The following UBAP1L variants were observed in gnomAD, a reference collection of about 807,000 sequenced individuals.
UBAP1L encodes the protein ubiquitin-associated protein 1-like.
A neutral mutation model predicts 32.1 loss-of-function variants in UBAP1L; 32 were observed. That is an observed-to-expected ratio of 1.00 (90% CI 0.75 to 1.34). The LOEUF (loss-of-function observed/expected upper bound fraction) is 1.34, where lower values mean the gene tolerates loss of function less well. Among genes scored for constraint, UBAP1L ranks in the 40% most tolerant of loss-of-function variants. The pLI, the probability that UBAP1L is intolerant of heterozygous loss-of-function variation, is 0.00. For missense variants in UBAP1L, 516 were observed against 540.5 expected (o/e 0.95, Z 0.45); for synonymous variants, 243 against 250.2 (o/e 0.97, Z 0.27).
intron 2 of UBAP1L, 144 bp downstream of exon 2, chr15:65,105,952 A>G (rs539867308): frequency 8.4e-7 from 1 of 1,188,868 alleles, no homozygotes; most frequent in African/African-American, 1.5e-5. Flanking sequence ...CACCACACCC[A>G]GCTAATTTTT....
At position 65,099,496 on chromosome 15, in the gene UBAP1L, C is replaced by T. The variant is rs772316290; in HGVS notation, c.909+9G>A. ...TCACAGCTCATCAGCTCTGGGTCCC[C>T]CAACTCACCTGGCTCAGGCTCTGCC... is the stretch of plus-strand genomic sequence containing the variant. On this transcript the variant is annotated intron_variant, in intron 4 of 5. Coordinates refer to ENST00000559089, the MANE Select transcript of UBAP1L (RefSeq NM_001163692.2). The T allele has an allele frequency of 2.2e-5, 34 of 1,549,226 alleles. No individual in the cohort carries two copies. The highest frequency in any genetic ancestry group is 5.9e-5 in the Admixed American group (3 of 50,974).
chr15:65,103,444 C>CAT (rs2087266879), intron 2 of UBAP1L, among the ~76,000 whole-genome samples: 1 of 152,164 alleles, frequency 6.6e-6, no homozygotes, highest in Non-Finnish European at 1.5e-5. Flanking sequence ...TTCCTGTTCC[C>CAT]TACCTTTAAA....
At chr15:65,106,030 C>T in intron 2 of UBAP1L, 66 bp downstream of exon 2, 1 of 1,535,626 alleles carries the variant, frequency 6.5e-7, no homozygotes, top group Non-Finnish European at 8.8e-7. Flanking sequence ...ATTCAAGGAA[C>T]AAGGCCCCAT....
Position 65,094,388 on chromosome 15 carries a change from A to T in UBAP1L, c.1011+87T>A. 4.5e-6 allele frequency: 4 copies of T among 894,486 alleles called. No homozygotes were observed. Among genetic ancestry groups the T allele is most frequent in the Non-Finnish European group, 6.8e-6 (4 of 590,974 alleles). The allele number at this position is 894,486 out of a possible 1,614,324, so 55.4% of individuals were successfully genotyped here. On this transcript the variant is annotated intron_variant, in intron 5 of 5. Transcript: ENST00000559089. The surrounding 1 kb of genome is among the most constrained non-coding windows in gnomAD (Gnocchi z 4.2). ...AGGCTGGACCCACAGACTGGCTCTG[A>T]GGACTGGTGTGGCCCTGCACACCGG...
intron 2 of UBAP1L, chr15:65,105,421 A>G (rs2087297766): frequency 3.2e-6 from 1 of 312,994 alleles, no homozygotes; most frequent in Non-Finnish European, 6.1e-6. Context: ...GGAGGTTGCA[A>G]TGAGCTGACA....
chr15:65,099,598 C>A lies in UBAP1L; in HGVS notation c.816G>T (p.Glu272Asp), dbSNP rs2087216508. The change falls in exon 4 of 6, where the codon GAG (glutamate) becomes GAT (aspartate). Residue 272 changes from glutamate (E) to aspartate (D), a missense_variant. Physicochemically the swap from Glu to Asp is conservative, Grantham distance 45. Coordinates refer to ENST00000559089, the MANE Select transcript of UBAP1L (RefSeq NM_001163692.2). The stretch of plus-strand genomic sequence containing the variant: ...CGACCACTGGCCCAATGAGGTCTTG[C>A]TCCTCCTGGCTCAGGGCGGACAGCA... ...ADLLSALSQE[E>D]QDLIGPVVAL... 6.4e-7 allele frequency: 1 copy of A among 1,551,638 alleles called. No homozygotes were observed. The highest frequency in any genetic ancestry group is 8.7e-7 in the Non-Finnish European group (1 of 1,146,992).
chr15:65,105,010 GAAAAA>G (rs1215816581), intron 2 of UBAP1L: 8 of 173,288 alleles, frequency 4.6e-5, no homozygotes, highest in South Asian at 1.5e-4. Flanking sequence ...TGTCTCAAAT[GAAAAA>G]AAAAAAAAAA....
intron 1 of UBAP1L, among the ~76,000 whole-genome samples, chr15:65,112,667 A>T (rs1232226130): frequency 1.3e-5 from 2 of 152,112 alleles, no homozygotes; most frequent in Admixed American, 6.5e-5. Flanking sequence ...TCACAAATTA[A>T]ATTCTCCAGT....
At chr15:65,114,518 A>G (rs937247762) in intron 1 of UBAP1L, among the ~76,000 whole-genome samples, 1 of 152,180 alleles carries the variant, frequency 6.6e-6, no homozygotes, top group African/African-American at 2.4e-5. Context: ...AAATTGGCTG[A>G]TAAGTACTTT....
At position 65,094,656 on chromosome 15, in the gene UBAP1L, G is replaced by A. The variant is rs1042603878; in HGVS notation, c.910-80C>T. ...CAGACAGGGCAGAGAGGCACTCCAA[G>A]GGCCTGAGCTGAGGGCCAGGCAACA... On this transcript the variant is annotated intron_variant, in intron 4 of 5. Coordinates refer to ENST00000559089, the MANE Select transcript of UBAP1L (RefSeq NM_001163692.2). The surrounding 1 kb of genome is among the most constrained non-coding windows in gnomAD (Gnocchi z 4.2). The A allele has an allele frequency of 9.2e-7, 1 of 1,084,680 alleles. No individual in the cohort carries two copies. The highest frequency in any genetic ancestry group is 1.4e-6 in the Non-Finnish European group (1 of 728,596). 67.2% of individuals were successfully genotyped at this position (1,084,680 alleles called of 1,614,324 possible).
chr15:65,101,415 T>C (rs758592631), intron 3 of UBAP1L: 11 of 152,244 alleles, frequency 7.2e-5, no homozygotes, highest in Non-Finnish European at 1.6e-4. Context: ...GGTTTCACTG[T>C]AGGGTCACTT....
At chr15:65,114,466 C>G (rs913102752) in intron 1 of UBAP1L, among the ~76,000 whole-genome samples, 2 of 152,068 alleles carry the variant, frequency 1.3e-5, no homozygotes, top group African/African-American at 4.8e-5. Context: ...TGGCATTTTG[C>G]TTAGCTTTAA....
intron 2 of UBAP1L, chr15:65,105,625 A>G: frequency 1.5e-6 from 1 of 660,332 alleles, no homozygotes; most frequent in Non-Finnish European, 2.8e-6. Context: ...AACACTCGTG[A>G]AACTGTCCAG....
chr15:65,094,723 A>G lies in UBAP1L; in HGVS notation c.910-147T>C. On this transcript the variant is annotated intron_variant, in intron 4 of 5. Transcript: ENST00000559089. The surrounding 1 kb of genome is among the most constrained non-coding windows in gnomAD (Gnocchi z 4.2). Reference sequence around the variant, plus strand: ...GCAGCGTGGCCCCAGAGAGCCCGTGAACCCACAGAAGGGGGATAGAGGCTT... The same window carrying G: ...GCAGCGTGGCCCCAGAGAGCCCGTGGACCCACAGAAGGGGGATAGAGGCTT... 1.5e-6 allele frequency: 1 copy of G among 673,552 alleles called. No homozygotes were observed. Among genetic ancestry groups the G allele is most frequent in the Non-Finnish European group, 2.7e-6 (1 of 374,666 alleles). The allele number at this position is 673,552 out of a possible 1,614,324, so 41.7% of individuals were successfully genotyped here.
chr15:65,111,560 C>A (rs892025254), intron 1 of UBAP1L, among the ~76,000 whole-genome samples: 1 of 152,190 alleles, frequency 6.6e-6, no homozygotes, highest in Non-Finnish European at 1.5e-5. Context: ...TCTAGGCTCA[C>A]GGCAACGTCT....
Position 65,105,025 on chromosome 15 carries a change from A to G in UBAP1L, c.120+1071T>C, listed in dbSNP as rs554995429. ...TGTCTCAAATGAAAAAAAAAAAAAA[A>G]AAAGAAAATTAGTCATGGTGGCACT... is the stretch of plus-strand genomic sequence containing the variant. On this transcript the variant is annotated intron_variant, in intron 2 of 5. Coordinates refer to ENST00000559089, the MANE Select transcript of UBAP1L (RefSeq NM_001163692.2). 2.2e-3 allele frequency: 515 copies of G among 239,008 alleles called. 3 individuals carry two copies. Among genetic ancestry groups the G allele is most frequent in the Admixed American group, 4.3e-3 (81 of 18,642 alleles). The allele number at this position is 239,008 out of a possible 1,614,324, so 14.8% of individuals were successfully genotyped here. A position where few individuals can be genotyped will look rare whatever the true frequency, so the allele number is the denominator to read the frequency against.
chr15:65,094,641 A>G lies in UBAP1L; in HGVS notation c.910-65T>C. 1 of 1,230,272 alleles carries G rather than the reference A, an allele frequency of 8.1e-7. No homozygotes were observed. The highest frequency in any genetic ancestry group is 1.5e-5 in the African/African-American group (1 of 66,854). 76.2% of individuals were successfully genotyped at this position (1,230,272 alleles called of 1,614,324 possible). On this transcript the variant is annotated intron_variant, in intron 4 of 5. Transcript: ENST00000559089. This position sits in a 1 kb window ranked among gnomAD's most constrained non-coding sequence, Gnocchi z 4.2. Reference sequence around the variant, plus strand: ...GAGCAGCCGGGGCAGCAGACAGGGCAGAGAGGCACTCCAAGGGCCTGAGCT... The same window carrying G: ...GAGCAGCCGGGGCAGCAGACAGGGCGGAGAGGCACTCCAAGGGCCTGAGCT...
At chr15:65,107,097 A>G (rs2087321658) in intron 1 of UBAP1L, among the ~76,000 whole-genome samples, 1 of 152,202 alleles carries the variant, frequency 6.6e-6, no homozygotes, top group Non-Finnish European at 1.5e-5. Flanking sequence ...TTGACTTAAC[A>G]TCCCCAAATC....
Position 65,106,215 on chromosome 15 carries a change from TTC to T in UBAP1L, c.-2_-1del. On this transcript the variant is annotated 5_prime_UTR_variant, in exon 2 of 6. Coordinates refer to ENST00000559089, the MANE Select transcript of UBAP1L (RefSeq NM_001163692.2). Reference sequence around the variant, plus strand: ...AAAGGAACACCATCGAGGGCATTCATTCTGTCAGGAGTGTGGAGATGGCTGGC... The same window carrying T: ...AAAGGAACACCATCGAGGGCATTCATTGTCAGGAGTGTGGAGATGGCTGGC... 1 of 1,543,194 alleles carries T rather than the reference TTC, an allele frequency of 6.5e-7. No individual in the cohort carries two copies. The highest frequency in any genetic ancestry group is 2.5e-5 in the East Asian group (1 of 40,518).
Sources: allele counts gnomAD v4.1 joint callset (sites outside exome capture counted in the v4.1 genomes callset), GRCh38; gene constraint gnomAD v4.1.1; non-coding constraint Gnocchi (gnomAD v3.1); transcripts MANE v1.5; gene names NCBI Gene and HGNC (gene_info 2026-07-23, HGNC 2026-07-21).